MAF: variants seen among roughly 807,000 people sequenced by gnomAD.
MAF encodes the protein MAF bZIP transcription factor.
A neutral mutation model predicts 22.0 loss-of-function variants in MAF; 10 were observed. The observed-to-expected ratio is 0.45, with a 90% CI of 0.28 to 0.77. The LOEUF (loss-of-function observed/expected upper bound fraction) is 0.77. Ranked by LOEUF, MAF falls within the 30% of genes least tolerant of loss-of-function variation. MAF has a pLI of 0.12. For missense variants in MAF, 544 were observed against 548.4 expected (o/e 0.99, Z 0.08); for synonymous variants, 337 against 255.8 (o/e 1.32, Z -3.03).
chr16:79,366,168 A>G, the MAF span, among the ~76,000 whole-genome samples: 1 of 152,218 alleles, frequency 6.6e-6, no homozygotes, highest in South Asian at 2.1e-4. Context: ...GCTTTGCCCA[A>G]GCCTGGGAAT....
At chr16:79,508,729 C>T in the MAF span, among the ~76,000 whole-genome samples, 1 of 152,194 alleles carries the variant, frequency 6.6e-6, no homozygotes, top group African/African-American at 2.4e-5. Flanking sequence ...GCATGGACCT[C>T]AAAAACATTA....
At chr16:79,395,535 G>C in the MAF span, among the ~76,000 whole-genome samples, 1 of 152,148 alleles carries the variant, frequency 6.6e-6, no homozygotes, top group Non-Finnish European at 1.5e-5. Context: ...AAGACACAGA[G>C]AGGCACTGAG....
the MAF span, among the ~76,000 whole-genome samples, chr16:79,335,575 G>A: frequency 6.6e-6 from 1 of 152,158 alleles, no homozygotes; most frequent in African/African-American, 2.4e-5. Flanking sequence ...CAGGTCGGGG[G>A]TCAGCCACAG....
the MAF span, among the ~76,000 whole-genome samples, chr16:79,503,029 T>A: frequency 6.6e-6 from 1 of 151,992 alleles, no homozygotes; most frequent in East Asian, 1.9e-4. Context: ...ATCAGTAAAC[T>A]ATCTAACATT....
chr16:79,574,185 T>G, the MAF span, among the ~76,000 whole-genome samples: 3 of 152,198 alleles, frequency 2.0e-5, no homozygotes, highest in Admixed American at 2.0e-4. Flanking sequence ...CCCACTTTTG[T>G]GTGGTTTAAT....
the MAF span, among the ~76,000 whole-genome samples, chr16:79,565,978 T>C: frequency 2.0e-5 from 3 of 152,144 alleles, no homozygotes; most frequent in African/African-American, 7.2e-5. Context: ...TCTGGCAGAC[T>C]CTAGGCCATG....
the MAF span, among the ~76,000 whole-genome samples, chr16:79,228,048 C>T: frequency 8.5e-5 from 13 of 152,142 alleles, no homozygotes; most frequent in Non-Finnish European, 1.3e-4. Context: ...GGACTATAGG[C>T]ACGCACCACC....
At chr16:79,587,111 G>A (rs372452682) in intron 1 of MAF, among the ~76,000 whole-genome samples, 1 of 152,082 alleles carries the variant, frequency 6.6e-6, no homozygotes, top group East Asian at 1.9e-4. Flanking sequence ...TATCTAAATG[G>A]TAAGACTATG....
At chr16:79,257,206 A>C in the MAF span, among the ~76,000 whole-genome samples, 1 of 152,098 alleles carries the variant, frequency 6.6e-6, no homozygotes, top group Non-Finnish European at 1.5e-5. Flanking sequence ...AAAAAAAAGA[A>C]GAGTGTATGT....
chr16:79,317,843 C>G, the MAF span, among the ~76,000 whole-genome samples: 8 of 152,266 alleles, frequency 5.3e-5, no homozygotes, highest in South Asian at 1.5e-3. Flanking sequence ...ACTGTGTTTT[C>G]TAGCCCCCAG....
chr16:79,390,926 C>G, the MAF span, among the ~76,000 whole-genome samples: 1 of 152,132 alleles, frequency 6.6e-6, no homozygotes, highest in Non-Finnish European at 1.5e-5. Context: ...AGATGCTTAT[C>G]AAAGGATTTC....
chr16:79,404,686 G>C, the MAF span, among the ~76,000 whole-genome samples: 1 of 151,744 alleles, frequency 6.6e-6, no homozygotes, highest in African/African-American at 2.4e-5. Context: ...CTGTGAGTGA[G>C]ACTGGGTACG....
At chr16:79,572,265 T>A in the MAF span, among the ~76,000 whole-genome samples, 1 of 152,278 alleles carries the variant, frequency 6.6e-6, no homozygotes, top group African/African-American at 2.4e-5. Flanking sequence ...AAGAGGTGTG[T>A]GGAGGGACGT....
At chr16:79,279,631 A>C in the MAF span, among the ~76,000 whole-genome samples, 1 of 152,116 alleles carries the variant, frequency 6.6e-6, no homozygotes, top group Non-Finnish European at 1.5e-5. Context: ...CTCAGATCTG[A>C]CTGTACTAAA....
chr16:79,282,098 C>T, the MAF span, among the ~76,000 whole-genome samples: 1 of 151,988 alleles, frequency 6.6e-6, no homozygotes, highest in African/African-American at 2.4e-5. Flanking sequence ...GTCAGGAGTT[C>T]GAGACCAGCC....
chr16:79,362,912 T>C, the MAF span, among the ~76,000 whole-genome samples: 1 of 152,230 alleles, frequency 6.6e-6, no homozygotes, highest in African/African-American at 2.4e-5. Context: ...TACTGGTATA[T>C]CCTTTTTTTA....
the MAF span, among the ~76,000 whole-genome samples, chr16:79,310,725 C>T: frequency 1.3e-5 from 2 of 152,208 alleles, no homozygotes; most frequent in East Asian, 3.9e-4. Flanking sequence ...TGGGCTCTTC[C>T]AGAGCAGGGT....
At chr16:79,458,668 T>G in the MAF span, among the ~76,000 whole-genome samples, 1 of 152,224 alleles carries the variant, frequency 6.6e-6, no homozygotes, top group Non-Finnish European at 1.5e-5. Flanking sequence ...AAAAAAGTGG[T>G]AATAATGGTA....
the MAF span, among the ~76,000 whole-genome samples, chr16:79,568,341 G>T: frequency 3.0e-4 from 46 of 152,280 alleles, no homozygotes; most frequent in Admixed American, 9.1e-4. Flanking sequence ...CTTATTAAGA[G>T]CCCAGGTGTT....
Sources: gnomAD v4.1 joint callset for allele counts (sites outside exome capture counted in the v4.1 genomes callset) on GRCh38, gnomAD v4.1.1 for gene constraint, MANE v1.5 for transcripts, NCBI Gene and HGNC (gene_info 2026-07-23, HGNC 2026-07-21) for gene names.